C12orf42: variants seen among roughly 807,000 people sequenced by gnomAD.
C12orf42 encodes chromosome 12 open reading frame 42, also known as uncharacterized protein C12orf42.
Under a neutral mutation model 21.6 loss-of-function variants are expected in C12orf42, and 25 were observed. That is an observed-to-expected ratio of 1.16 (90% CI 0.84 to 1.62). The LOEUF (loss-of-function observed/expected upper bound fraction) is 1.62. C12orf42 is among the 40% of genes most tolerant of loss of function. The pLI, the probability that C12orf42 is intolerant of heterozygous loss-of-function variation, is 0.00. For synonymous variants in C12orf42, 174 were observed against 175.0 expected (o/e 0.99, Z 0.05); for missense variants, 483 against 459.3 (o/e 1.05, Z -0.47).
chr12:103,120,233 T>A, the C12orf42 span, among the ~76,000 whole-genome samples: 1 of 152,280 alleles, frequency 6.6e-6, no homozygotes, highest in South Asian at 2.1e-4. Context: ...ATGTGTTAAG[T>A]GCAATAATAG....
At chr12:103,214,661 G>A in the C12orf42 span, among the ~76,000 whole-genome samples, 4 of 152,292 alleles carry the variant, frequency 2.6e-5, no homozygotes, top group Admixed American at 1.3e-4. Flanking sequence ...ATTTTAGGGG[G>A]AAACATCTCC....
At chr12:103,119,288 T>G in the C12orf42 span, among the ~76,000 whole-genome samples, 2 of 152,242 alleles carry the variant, frequency 1.3e-5, no homozygotes, top group African/African-American at 4.8e-5. Flanking sequence ...ACTTCAGCAG[T>G]CATTGTGATG....
intron 3 of C12orf42, among the ~76,000 whole-genome samples, chr12:103,389,246 C>T (rs2046873046): frequency 1.3e-5 from 2 of 152,134 alleles, no homozygotes; most frequent in Admixed American, 1.3e-4. Flanking sequence ...CCCTACTCAG[C>T]AGGACTGAGA....
chr12:103,247,692 T>G (rs2034075358), intron 10 of C12orf42, among the ~76,000 whole-genome samples: 1 of 152,008 alleles, frequency 6.6e-6, no homozygotes, highest in Admixed American at 6.6e-5. Flanking sequence ...GGACTCACCC[T>G]AATTGCCCCT....
chr12:103,428,577 C>T (rs1950026591), intron 2 of C12orf42, among the ~76,000 whole-genome samples: 1 of 152,100 alleles, frequency 6.6e-6, no homozygotes, highest in African/African-American at 2.4e-5. Context: ...TGAAACTATT[C>T]CAAACAACAG....
At chr12:103,113,431 T>G in the C12orf42 span, among the ~76,000 whole-genome samples, 1 of 151,706 alleles carries the variant, frequency 6.6e-6, no homozygotes, top group African/African-American at 2.4e-5. Flanking sequence ...TTAAGTTAAA[T>G]AACCCAAATA....
the C12orf42 span, among the ~76,000 whole-genome samples, chr12:103,060,272 G>C: frequency 6.6e-6 from 1 of 152,110 alleles, no homozygotes; most frequent in African/African-American, 2.4e-5. Flanking sequence ...ACTTACAAGG[G>C]ACATGAAGGA....
chr12:103,495,602 C>CG (rs916822082), intron 1 of C12orf42, among the ~76,000 whole-genome samples: 3 of 139,560 alleles, frequency 2.1e-5, no homozygotes, highest in Admixed American at 7.2e-5. Context: ...GCCGGGGCAA[C>CG]GGGGGGCGGG....
At chr12:103,426,991 C>A (rs1566303361) in intron 2 of C12orf42, among the ~76,000 whole-genome samples, 1 of 152,098 alleles carries the variant, frequency 6.6e-6, no homozygotes, top group Non-Finnish European at 1.5e-5. Context: ...CCAGTACCAG[C>A]CACTGCAAAA....
chr12:103,530,629 G>GGC, the C12orf42 span, among the ~76,000 whole-genome samples: 11 of 152,054 alleles, frequency 7.2e-5, no homozygotes, highest in Non-Finnish European at 1.5e-4. Context: ...AAGTGTTCGG[G>GGC]GGGGGAAAAC....
At chr12:103,247,174 C>T (rs1520194) in intron 10 of C12orf42, among the ~76,000 whole-genome samples, 91,878 of 151,222 alleles carry the variant, frequency 0.61, 28,066 homozygotes, top group East Asian at 0.84. Flanking sequence ...CAAAAAAAAA[C>T]CATGATCAAT....
intron 4 of C12orf42, among the ~76,000 whole-genome samples, chr12:103,362,543 G>A (rs1364040616): frequency 2.0e-5 from 3 of 151,972 alleles, no homozygotes; most frequent in African/African-American, 2.4e-5. Context: ...TAATTCAGTA[G>A]GTCAATTAAG....
At chr12:103,088,906 A>C in the C12orf42 span, among the ~76,000 whole-genome samples, 4 of 152,072 alleles carry the variant, frequency 2.6e-5, no homozygotes, top group Non-Finnish European at 5.9e-5. Context: ...GATCGAGACC[A>C]TCCTGGCTAA....
chr12:103,370,266 C>G (rs974833163), intron 3 of C12orf42, among the ~76,000 whole-genome samples: 1 of 152,146 alleles, frequency 6.6e-6, no homozygotes, highest in Non-Finnish European at 1.5e-5. Context: ...AACACTTATA[C>G]ACTGCTGGTG....
rs1039062597 is a variant in C12orf42 at position 103,467,173 on chromosome 12, A to G, written c.78+11176T>C. On this transcript the variant is annotated intron_variant, in intron 2 of 5. Transcript: ENST00000548883. ...AAAAAAGCATTCTCCTTCTCTGTGG[A>G]TATCACTGATGAGATCCCATGTACT... Among the ~76,000 whole-genome samples, 5 of 152,340 alleles carry G rather than the reference A, an allele frequency of 3.3e-5. 1 individual carries two copies. Among genetic ancestry groups the G allele is most frequent in the Admixed American group, 6.5e-5 (1 of 15,306 alleles).
intron 2 of C12orf42, among the ~76,000 whole-genome samples, chr12:103,443,278 A>T (rs7139422): frequency 0.18 from 27,425 of 152,098 alleles, 2,862 homozygotes; most frequent in East Asian, 0.35. Context: ...CTGATACAGA[A>T]TGAGCCCTCA....
intron 4 of C12orf42, among the ~76,000 whole-genome samples, chr12:103,352,313 GGTGCT>G (rs2043168893): frequency 6.6e-6 from 1 of 152,106 alleles, no homozygotes; most frequent in Admixed American, 6.6e-5. Flanking sequence ...AAAGAGGGAT[GGTGCT>G]GTGCAGGATA....
At chr12:103,145,332 T>C in the C12orf42 span, among the ~76,000 whole-genome samples, 2 of 152,188 alleles carry the variant, frequency 1.3e-5, no homozygotes, top group Non-Finnish European at 2.9e-5. Flanking sequence ...TTTGTCAATC[T>C]CAAAGAGCCC....
At chr12:103,347,470 T>G (rs1483352642) in intron 4 of C12orf42, among the ~76,000 whole-genome samples, 1 of 152,118 alleles carries the variant, frequency 6.6e-6, no homozygotes, top group Non-Finnish European at 1.5e-5. Context: ...GACATTTGGG[T>G]TGGTTCGAAG....
Sources: allele counts gnomAD v4.1 joint callset (sites outside exome capture counted in the v4.1 genomes callset), GRCh38; gene constraint gnomAD v4.1.1; transcripts MANE v1.5; gene names NCBI Gene and HGNC (gene_info 2026-07-23, HGNC 2026-07-21).